Variants in HSPA12A observed in about 807,000 individuals in gnomAD.
HSPA12A encodes the protein heat shock protein family A (Hsp70) member 12A, also known as heat shock 70 kDa protein 12A.
In HSPA12A, 28 loss-of-function variants were observed where a neutral mutation model predicts 69.2. That is an observed-to-expected ratio of 0.40 (90% CI 0.30 to 0.55). HSPA12A has a LOEUF of 0.55. Ranked by LOEUF, HSPA12A falls within the 20% of genes least tolerant of loss-of-function variation. HSPA12A has a pLI of 0.38. For synonymous variants in HSPA12A, 345 were observed against 370.5 expected, an observed-to-expected ratio of 0.93 and a Z score of 0.79; for missense variants, 686 against 900.7, an observed-to-expected ratio of 0.76 and a Z score of 3.05.
intron 9 of HSPA12A, among the ~76,000 whole-genome samples, 170 bp from the exon 10 acceptor site, chr10:116,679,931 G>C (rs1554878354): frequency 6.6e-6 from 1 of 152,138 alleles, no homozygotes; most frequent in African/African-American, 2.4e-5. Flanking sequence ...ATTCCATGTG[G>C]AGAAGCTTTT....
chr10:116,753,253 G>A (rs1267854785), intron 2 of HSPA12A, among the ~76,000 whole-genome samples: 5 of 152,070 alleles, frequency 3.3e-5, no homozygotes, highest in African/African-American at 1.2e-4. Flanking sequence ...AAGGCCTGCG[G>A]GCTCAGACAG....
intron 1 of HSPA12A, among the ~76,000 whole-genome samples, chr10:116,735,545 C>T (rs1481368025): frequency 6.6e-6 from 1 of 152,110 alleles, no homozygotes; most frequent in Non-Finnish European, 1.5e-5. Flanking sequence ...GAAGCCCAGC[C>T]GACAGCCAGC....
intron 1 of HSPA12A, among the ~76,000 whole-genome samples, chr10:116,740,676 CTGTGTGTGTGTGTGTGTGTGCGT>C (rs1851469285): frequency 5.4e-5 from 5 of 92,220 alleles, no homozygotes; most frequent in African/African-American, 8.5e-5. Flanking sequence ...GTGTGTGTGT[CTGTGTGTGTGTGTGTGTGTGCGT>C]GTGTGTGTGT....
intron 1 of HSPA12A, among the ~76,000 whole-genome samples, chr10:116,735,905 GAGGATCGTTTCAGCCC>G (rs1851302362): frequency 6.6e-6 from 1 of 152,024 alleles, no homozygotes; most frequent in South Asian, 2.1e-4. Flanking sequence ...ACTGAGGTGG[GAGGATCGTTTCAGCCC>G]AGGAAGCAGA....
At chr10:116,804,278 C>T (rs954693090) in intron 2 of HSPA12A, among the ~76,000 whole-genome samples, 19 of 152,310 alleles carry the variant, frequency 1.2e-4, no homozygotes, top group African/African-American at 4.6e-4. Flanking sequence ...AACACCCCAA[C>T]GTGTTCAGTT....
chr10:116,827,334 G>A (rs1037484801), intron 2 of HSPA12A, among the ~76,000 whole-genome samples: 2 of 152,204 alleles, frequency 1.3e-5, no homozygotes, highest in Non-Finnish European at 2.9e-5. Context: ...GGTCTCCCGT[G>A]TCCAGGCTTC....
intron 2 of HSPA12A, among the ~76,000 whole-genome samples, chr10:116,803,053 G>A (rs1229923253): frequency 4.6e-5 from 2 of 43,402 alleles, no homozygotes; most frequent in Non-Finnish European, 2.3e-4. Context: ...GCCACCGGGA[G>A]ATGAGGATTG....
intron 2 of HSPA12A, among the ~76,000 whole-genome samples, chr10:116,778,854 G>C (rs1237185977): frequency 6.6e-6 from 1 of 152,218 alleles, no homozygotes; most frequent in Non-Finnish European, 1.5e-5. Flanking sequence ...AGGATCGCTA[G>C]AGCCCAGGAC....
intron 1 of HSPA12A, among the ~76,000 whole-genome samples, chr10:116,708,594 A>G (rs1315048491): frequency 6.6e-6 from 1 of 152,120 alleles, no homozygotes; most frequent in Non-Finnish European, 1.5e-5. Context: ...GAAGCCTCAA[A>G]TCTGCACAGC....
intron 1 of HSPA12A, among the ~76,000 whole-genome samples, chr10:116,733,022 T>A (rs1173449615): frequency 6.6e-6 from 1 of 152,162 alleles, no homozygotes; most frequent in Non-Finnish European, 1.5e-5. Context: ...TGTGGATGTA[T>A]CCATGAGCTC....
chr10:116,724,716 G>A (rs1554884775), intron 1 of HSPA12A, among the ~76,000 whole-genome samples: 1 of 152,234 alleles, frequency 6.6e-6, no homozygotes, highest in African/African-American at 2.4e-5. Flanking sequence ...CCAGGACAGT[G>A]TGGGGCAGAG....
At chr10:116,709,345 G>C (rs1554882823) in intron 1 of HSPA12A, among the ~76,000 whole-genome samples, 1 of 151,940 alleles carries the variant, frequency 6.6e-6, no homozygotes, top group South Asian at 2.1e-4. Context: ...CTACTCGGGA[G>C]GCTGAGACAG....
At chr10:116,757,011 A>G (rs1419063418) in intron 2 of HSPA12A, among the ~76,000 whole-genome samples, 2 of 151,940 alleles carry the variant, frequency 1.3e-5, no homozygotes, top group African/African-American at 4.8e-5. Context: ...ACAACCCTAG[A>G]GACAGGTAAT....
intron 6 of HSPA12A, among the ~76,000 whole-genome samples, chr10:116,690,100 T>C (rs1486729651): frequency 6.6e-6 from 1 of 152,230 alleles, no homozygotes; most frequent in Non-Finnish European, 1.5e-5. Context: ...TAATGGGGGA[T>C]GGAGAGAGAG....
At chr10:116,767,327 T>C (rs1844101107) in intron 2 of HSPA12A, among the ~76,000 whole-genome samples, 1 of 152,126 alleles carries the variant, frequency 6.6e-6, no homozygotes, top group African/African-American at 2.4e-5. Context: ...TCAGGCACTG[T>C]GTTCATCCCC....
rs189619789 is a variant in HSPA12A, at chr10:116,682,460, G to T, written c.836-583C>A. On this transcript the variant is annotated intron_variant, in intron 7 of 11. Coordinates refer to ENST00000369209, the MANE Select transcript of HSPA12A (RefSeq NM_025015.3). ...TGCACCCTGGGTAAATAGACTGGGG[G>T]GGGGGGCCATTTCCTGACCCAGCTG... Among the ~76,000 whole-genome samples, 257 of 150,960 alleles carry T rather than the reference G, an allele frequency of 1.7e-3. 1 individual carries two copies. The highest frequency in any genetic ancestry group is 6.8e-3 in the Middle Eastern group (2 of 294).
At chr10:116,841,052 G>T (rs781483343) in intron 1 of HSPA12A, among the ~76,000 whole-genome samples, 1 of 152,200 alleles carries the variant, frequency 6.6e-6, no homozygotes, top group Non-Finnish European at 1.5e-5. Context: ...AAATGGTGAT[G>T]AGGGCAGACA....
intron 1 of HSPA12A, among the ~76,000 whole-genome samples, chr10:116,732,277 C>T (rs1291900366): frequency 7.3e-6 from 1 of 137,690 alleles, no homozygotes; most frequent in Non-Finnish European, 1.6e-5. Context: ...CTGCAGTGAG[C>T]CAAGATCACC....
intron 2 of HSPA12A, among the ~76,000 whole-genome samples, chr10:116,816,395 G>C (rs974923828): frequency 3.9e-5 from 6 of 152,272 alleles, no homozygotes; most frequent in African/African-American, 1.4e-4. Context: ...TGTTGGCCAT[G>C]TGCCAGGCAA....
Sources: allele counts gnomAD v4.1 joint callset (sites outside exome capture counted in the v4.1 genomes callset), GRCh38; gene constraint gnomAD v4.1.1; transcripts MANE v1.5; gene names NCBI Gene and HGNC (gene_info 2026-07-23, HGNC 2026-07-21).